The following USP28 variants were observed in gnomAD, a reference collection of about 807,000 sequenced individuals.
The protein encoded by USP28 is ubiquitin carboxyl-terminal hydrolase 28.
USP28 carries 113 observed loss-of-function variants against 145.0 expected under a neutral mutation model. That is an observed-to-expected ratio of 0.78 (90% CI 0.67 to 0.91). USP28 has a LOEUF of 0.91. Ranked by LOEUF, USP28 falls within the 40% of genes least tolerant of loss-of-function variation. The probability of loss-of-function intolerance (pLI) is 0.00; values close to 1 mark genes in which losing one functional copy is unlikely to be tolerated. For synonymous variants in USP28, 447 were observed against 450.9 expected (o/e 0.99, Z 0.11); for missense variants, 1,201 against 1,289.6 (o/e 0.93, Z 1.05).
chr11:113,815,051 C>T (rs1487428366), intron 14 of USP28, 123 bp downstream of exon 14: 2 of 869,348 alleles, frequency 2.3e-6, no homozygotes, highest in Admixed American at 2.7e-5. Context: ...GACTCCATCT[C>T]GGCGGGGGGG....
At chr11:113,860,685 G>A (rs1381739803) in intron 1 of USP28, among the ~76,000 whole-genome samples, 1 of 152,032 alleles carries the variant, frequency 6.6e-6, no homozygotes, top group East Asian at 1.9e-4. Flanking sequence ...CAGGCATGGT[G>A]GCGGGCACCT....
At chr11:113,819,767 T>G (rs1942326389) in intron 12 of USP28, among the ~76,000 whole-genome samples, 1 of 152,196 alleles carries the variant, frequency 6.6e-6, no homozygotes, top group South Asian at 2.1e-4. Flanking sequence ...TTGCCCAGGC[T>G]GGGGTGCAAT....
At chr11:113,843,608 C>T (rs1007841828) in intron 3 of USP28, among the ~76,000 whole-genome samples, 6 of 145,396 alleles carry the variant, frequency 4.1e-5, no homozygotes, top group Non-Finnish European at 7.5e-5. Flanking sequence ...GAGGCGGAGG[C>T]TATGGTGACC....
At chr11:113,803,063 G>T in intron 23 of USP28, 95 bp downstream of exon 24, 1 of 1,345,762 alleles carries the variant, frequency 7.4e-7, no homozygotes, top group Non-Finnish European at 9.8e-7. Context: ...ACAACCTGTT[G>T]GAGATAGTCT....
chr11:113,803,199 T>C (rs1316815297), exon 23 of USP28: 1 of 1,614,176 alleles, frequency 6.2e-7, no homozygotes, highest in East Asian at 2.2e-5. Flanking sequence ...ACGGATTCTT[T>C]GACCCCCCGG....
chr11:113,818,042 A>G (rs1194139178), intron 12 of USP28: 3 of 462,226 alleles, frequency 6.5e-6, no homozygotes, highest in Non-Finnish European at 7.5e-6. Context: ...CTGAAGTTTT[A>G]TATCTGGCAG....
intron 24 of USP28, 88 bp from the exon 26 acceptor site, chr11:113,799,503 C>T: frequency 7.1e-7 from 1 of 1,410,292 alleles, no homozygotes; most frequent in Non-Finnish European, 9.6e-7. Flanking sequence ...CCTTACCTAA[C>T]CTCAAAGGTC....
At chr11:113,805,351 G>A (rs549331064) in intron 19 of USP28, among the ~76,000 whole-genome samples, 2 of 151,692 alleles carry the variant, frequency 1.3e-5, no homozygotes, top group African/African-American at 2.4e-5. Context: ...GAACTCCTGG[G>A]CTCAGGTGAT....
chr11:113,830,633 T>C (rs1229230542), intron 9 of USP28, among the ~76,000 whole-genome samples: 1 of 152,174 alleles, frequency 6.6e-6, no homozygotes, highest in Non-Finnish European at 1.5e-5. Context: ...TGTGCAAGTA[T>C]TAATATGACA....
chr11:113,840,104 T>G (rs1464090831), intron 5 of USP28, among the ~76,000 whole-genome samples: 1 of 152,206 alleles, frequency 6.6e-6, no homozygotes, highest in South Asian at 2.1e-4. Context: ...AATGGTACTA[T>G]AATCCACCTG....
intron 3 of USP28, among the ~76,000 whole-genome samples, chr11:113,846,509 G>C (rs574448386): frequency 6.6e-6 from 1 of 152,294 alleles, no homozygotes; most frequent in African/African-American, 2.4e-5. Flanking sequence ...ACCAGGGGCT[G>C]GGTATGGAGT....
intron 1 of USP28, among the ~76,000 whole-genome samples, chr11:113,872,623 G>T (rs922817697): frequency 3.9e-5 from 6 of 152,064 alleles, no homozygotes; most frequent in African/African-American, 9.7e-5. Flanking sequence ...TCAAGAGAAA[G>T]CAAAAAGGGC....
At chr11:113,859,283 A>G (rs1222275990) in intron 1 of USP28, 1 of 152,172 alleles carries the variant, frequency 6.6e-6, no homozygotes. Flanking sequence ...TTTATCATCA[A>G]ATGACTTGAA....
At chr11:113,835,731 G>A (rs1386792726) in intron 5 of USP28, among the ~76,000 whole-genome samples, 1 of 152,198 alleles carries the variant, frequency 6.6e-6, no homozygotes, top group Non-Finnish European at 1.5e-5. Context: ...TACATTCTCA[G>A]CCATTTAACT....
chr11:113,826,337 A>ATTTTTTTTTTTTTTTTTTTTTTTTTTTT (rs71063527), intron 11 of USP28, among the ~76,000 whole-genome samples: 1 of 50,736 alleles, frequency 2.0e-5, no homozygotes, highest in Non-Finnish European at 3.3e-5. Context: ...CACCACACCC[A>ATTTTTTTTTTTTTTTTTTTTTTTTTTTT]TTTTTTTTTT....
At chr11:113,852,542 G>A (rs755594575) in exon 3 of USP28, 3 of 1,614,176 alleles carry the variant, frequency 1.9e-6, no homozygotes, top group South Asian at 1.1e-5. Context: ...CTCTACTTCA[G>A]ATGGTTCTGT....
At chr11:113,855,741 G>A (rs113973181) in intron 1 of USP28, among the ~76,000 whole-genome samples, 8 of 152,062 alleles carry the variant, frequency 5.3e-5, no homozygotes, top group African/African-American at 1.7e-4. Context: ...ACATGGCCCC[G>A]TCTCTACTAA....
chr11:113,853,382 T>C (rs530846407), intron 2 of USP28, among the ~76,000 whole-genome samples: 4 of 151,104 alleles, frequency 2.6e-5, no homozygotes, highest in Non-Finnish European at 4.4e-5. Flanking sequence ...TAATGTTTTA[T>C]GAGGAAACAT....
chr11:113,805,120 G>T, intron 19 of USP28, 74 bp from the exon 21 acceptor site: 1 of 1,351,248 alleles, frequency 7.4e-7, no homozygotes, highest in Non-Finnish European at 1.0e-6. Context: ...ATGCCTAGGA[G>T]CTAGGCAGTC....
Sources: allele counts gnomAD v4.1 joint callset (sites outside exome capture counted in the v4.1 genomes callset), GRCh38; gene constraint gnomAD v4.1.1; transcripts MANE v1.5; gene names NCBI Gene and HGNC (gene_info 2026-07-23, HGNC 2026-07-21).